The following MACROD2 variants were observed in gnomAD, a reference collection of about 807,000 sequenced individuals.
The protein encoded by MACROD2 is ADP-ribose glycohydrolase MACROD2.
In MACROD2, 36 loss-of-function variants were observed where a neutral mutation model predicts 70.4. The ratio of observed to expected loss-of-function variants is 0.51; its 90% CI spans 0.39 to 0.68. The LOEUF is 0.68. Ranked by LOEUF, MACROD2 falls within the 30% of genes least tolerant of loss-of-function variation. The probability of loss-of-function intolerance (pLI) is 0.00; values close to 1 mark genes in which losing one functional copy is unlikely to be tolerated. For synonymous variants in MACROD2, 172 were observed against 178.8 expected (o/e 0.96, Z 0.30); for missense variants, 496 against 538.4 (o/e 0.92, Z 0.78).
At chr20:15,086,936 T>C (rs2075753351) in intron 5 of MACROD2, among the ~76,000 whole-genome samples, 1 of 152,138 alleles carries the variant, frequency 6.6e-6, no homozygotes, top group Non-Finnish European at 1.5e-5. Flanking sequence ...CCTTCCATAT[T>C]TTTCTAGAGA....
intron 5 of MACROD2, among the ~76,000 whole-genome samples, chr20:15,045,727 T>G (rs951363272): frequency 2.1e-5 from 3 of 145,280 alleles, no homozygotes; most frequent in African/African-American, 7.5e-5. Flanking sequence ...GGGTTTTTTT[T>G]TTTTTTTTTT....
In MACROD2 at chr20:14,971,044, C is replaced by T. The variant is rs967460713; in HGVS notation, c.419-258896C>T. Among the ~76,000 whole-genome samples, 13 of 152,264 alleles carry T rather than the reference C, an allele frequency of 8.5e-5. No individual in the cohort carries two copies. In the South Asian group the frequency reaches 2.7e-3, roughly 32 times the overall value. On this transcript the variant is annotated intron_variant, in intron 5 of 17. Transcript: ENST00000684519. ...GGGATTGCTTCCAGGATGCTCAAGTCCCTTTTATAAAATGACGTAGTATTT... is the reference window on the plus strand; with the variant it reads ...GGGATTGCTTCCAGGATGCTCAAGTTCCTTTTATAAAATGACGTAGTATTT...
intron 5 of MACROD2, among the ~76,000 whole-genome samples, chr20:14,798,593 G>A (rs1219993721): frequency 6.6e-6 from 1 of 151,998 alleles, no homozygotes; most frequent in Non-Finnish European, 1.5e-5. Flanking sequence ...TTTCATTAGT[G>A]CATACTACAT....
At chr20:15,356,586 C>A (rs532681096) in intron 6 of MACROD2, among the ~76,000 whole-genome samples, 1 of 145,892 alleles carries the variant, frequency 6.9e-6, no homozygotes, top group East Asian at 2.0e-4. Flanking sequence ...AGTTTTGAGA[C>A]CAGCCTGACC....
At chr20:14,782,469 A>T (rs2072313810) in intron 5 of MACROD2, among the ~76,000 whole-genome samples, 2 of 152,116 alleles carry the variant, frequency 1.3e-5, no homozygotes, top group Non-Finnish European at 2.9e-5. Context: ...CAGTTTTTCA[A>T]CTTCATAACT....
chr20:15,054,393 T>C (rs1388419172), intron 5 of MACROD2, among the ~76,000 whole-genome samples: 1 of 152,118 alleles, frequency 6.6e-6, no homozygotes, highest in Non-Finnish European at 1.5e-5. Context: ...ACCACCACCC[T>C]GATCAGTCAG....
At chr20:15,369,838 G>T (rs548747211) in intron 6 of MACROD2, among the ~76,000 whole-genome samples, 1 of 152,240 alleles carries the variant, frequency 6.6e-6, no homozygotes, top group South Asian at 2.1e-4. Context: ...AGTATAGGAT[G>T]TCATTTCTAC....
intron 3 of MACROD2, among the ~76,000 whole-genome samples, chr20:14,460,545 A>T (rs1600259915): frequency 6.6e-6 from 1 of 151,996 alleles, no homozygotes; most frequent in Non-Finnish European, 1.5e-5. Flanking sequence ...TGTCAGTATG[A>T]TATTGGCTGT....
At chr20:15,876,363 G>A (rs2064673724) in intron 9 of MACROD2, among the ~76,000 whole-genome samples, 1 of 151,862 alleles carries the variant, frequency 6.6e-6, no homozygotes, top group South Asian at 2.1e-4. Flanking sequence ...AATATGCAGT[G>A]TTTGTTTTTT....
At chr20:14,821,678 G>A (rs1239998374) in intron 5 of MACROD2, among the ~76,000 whole-genome samples, 3 of 152,114 alleles carry the variant, frequency 2.0e-5, no homozygotes, top group East Asian at 3.9e-4. Flanking sequence ...AGGAGAATAA[G>A]AGAGCTATTG....
At chr20:15,851,907 G>A (rs568610780) in intron 8 of MACROD2, among the ~76,000 whole-genome samples, 2 of 152,296 alleles carry the variant, frequency 1.3e-5, no homozygotes, top group South Asian at 2.1e-4. Context: ...GAAGGGAGGG[G>A]CAGCCACCAC....
chr20:14,907,116 C>A (rs1336974093), intron 5 of MACROD2, among the ~76,000 whole-genome samples: 1 of 152,162 alleles, frequency 6.6e-6, no homozygotes, highest in African/African-American at 2.4e-5. Flanking sequence ...CTTACCATTG[C>A]TATGGCAACA....
At chr20:14,098,478 C>T (rs1048169545) in intron 3 of MACROD2, among the ~76,000 whole-genome samples, 1 of 152,034 alleles carries the variant, frequency 6.6e-6, no homozygotes, top group African/African-American at 2.4e-5. Context: ...GAGATGATGT[C>T]ATAAGATTGT....
At chr20:14,414,686 G>T (rs969056087) in intron 3 of MACROD2, among the ~76,000 whole-genome samples, 5 of 152,174 alleles carry the variant, frequency 3.3e-5, no homozygotes, top group African/African-American at 1.2e-4. Context: ...CCCTGCCACT[G>T]TTCTTTAGTC....
intron 12 of MACROD2, among the ~76,000 whole-genome samples, chr20:15,940,970 G>A (rs1392724801): frequency 6.6e-6 from 1 of 152,164 alleles, no homozygotes; most frequent in Non-Finnish European, 1.5e-5. Context: ...TAATTTGAAT[G>A]TGACCATGTT....
intron 14 of MACROD2, 124 bp downstream of exon 14, chr20:15,986,925 G>A (rs2066492511): frequency 9.9e-7 from 1 of 1,010,598 alleles, no homozygotes; most frequent in Non-Finnish European, 1.5e-6. Context: ...CTGGAGGATA[G>A]CAATAGTGTT....
intron 5 of MACROD2, among the ~76,000 whole-genome samples, chr20:14,724,807 A>T (rs2071508866): frequency 6.6e-6 from 1 of 152,142 alleles, no homozygotes; most frequent in Non-Finnish European, 1.5e-5. Flanking sequence ...AAGAAAGGAG[A>T]TGGGGTTTTA....
chr20:15,724,734 G>GTTCT (rs769671842), intron 8 of MACROD2, among the ~76,000 whole-genome samples: 53 of 152,186 alleles, frequency 3.5e-4, no homozygotes, highest in Non-Finnish European at 6.8e-4. Context: ...TTCCAGCTTT[G>GTTCT]TTCTTGTCCT....
chr20:14,754,837 T>G (rs1276052282), intron 5 of MACROD2, among the ~76,000 whole-genome samples: 1 of 149,594 alleles, frequency 6.7e-6, no homozygotes. Context: ...ATAGTGGATT[T>G]CCATGAACTT....
Sources: gnomAD v4.1 joint callset for allele counts (sites outside exome capture counted in the v4.1 genomes callset) on GRCh38, gnomAD v4.1.1 for gene constraint, MANE v1.5 for transcripts, NCBI Gene and HGNC (gene_info 2026-07-23, HGNC 2026-07-21) for gene names.